The following C12orf42 variants were observed in gnomAD, a reference collection of about 807,000 sequenced individuals.
The protein encoded by C12orf42 is chromosome 12 open reading frame 42.
C12orf42 carries 25 observed loss-of-function variants against 21.6 expected under a neutral mutation model. The ratio of observed to expected loss-of-function variants is 1.16; its 90% CI spans 0.84 to 1.62. C12orf42 has a LOEUF of 1.62. Ranked by LOEUF, C12orf42 falls within the 40% of genes most tolerant of loss-of-function variation. The probability of loss-of-function intolerance (pLI) is 0.00; values close to 1 mark genes in which losing one functional copy is unlikely to be tolerated. For missense variants in C12orf42, 483 were observed against 459.3 expected (o/e 1.05, Z -0.47); for synonymous variants, 174 against 175.0 (o/e 0.99, Z 0.05).
intron 2 of C12orf42, among the ~76,000 whole-genome samples, chr12:103,412,624 C>T (rs1231286702): frequency 2.0e-5 from 3 of 152,196 alleles, no homozygotes; most frequent in African/African-American, 7.2e-5. Flanking sequence ...CTACAACTTA[C>T]TGCAAACCTA....
intron 2 of C12orf42, among the ~76,000 whole-genome samples, chr12:103,428,248 A>G (rs1427026974): frequency 6.6e-6 from 1 of 152,162 alleles, no homozygotes; most frequent in East Asian, 1.9e-4. Context: ...GAAAAAAGAG[A>G]AGAACCAAAC....
chr12:103,454,622 G>A (rs1952167318), intron 2 of C12orf42, among the ~76,000 whole-genome samples: 1 of 152,068 alleles, frequency 6.6e-6, no homozygotes, highest in Non-Finnish European at 1.5e-5. Context: ...GTTGCTGAAA[G>A]TTACTTCACA....
chr12:103,191,570 A>AAAAAAAAC, the C12orf42 span, among the ~76,000 whole-genome samples: 19 of 129,120 alleles, frequency 1.5e-4, no homozygotes, highest in African/African-American at 5.3e-4. Context: ...AAAAAAAAAA[A>AAAAAAAAC]AAAATACAAA....
chr12:103,166,528 G>A, the C12orf42 span, among the ~76,000 whole-genome samples: 1 of 152,054 alleles, frequency 6.6e-6, no homozygotes, highest in Admixed American at 6.5e-5. Context: ...CATAATTATA[G>A]TCACATAATA....
rs557588918 is a variant in C12orf42, at chr12:103,326,580, C to A, written c.260-20235G>T. On this transcript the variant is annotated intron_variant, in intron 4 of 5. Coordinates refer to ENST00000548883, the MANE Select transcript of C12orf42 (RefSeq NM_198521.5). ...TTGCACTCCACTCCAGCCACAGTGGCGTTCTTCCTGCTTCTTGACTGCTCC... is the reference window on the plus strand; with the variant it reads ...TTGCACTCCACTCCAGCCACAGTGGAGTTCTTCCTGCTTCTTGACTGCTCC... 3.9e-4 allele frequency among the ~76,000 whole-genome samples: 59 copies of A among 152,294 alleles called. 1 individual carries two copies. The South Asian group carries it at 0.012, about 31-fold the overall frequency.
the C12orf42 span, among the ~76,000 whole-genome samples, chr12:103,213,878 A>G: frequency 2.6e-5 from 4 of 152,210 alleles, no homozygotes; most frequent in East Asian, 3.8e-4. Context: ...GGGGTTTTCA[A>G]TAGGACAGAA....
At chr12:103,152,056 G>C in the C12orf42 span, 3 of 152,190 alleles carry the variant, frequency 2.0e-5, no homozygotes, top group Admixed American at 2.0e-4. Flanking sequence ...GAAAGTGGCT[G>C]CTGAAAGTTT....
chr12:103,371,304 C>T (rs2045211094), intron 3 of C12orf42, among the ~76,000 whole-genome samples: 1 of 152,086 alleles, frequency 6.6e-6, no homozygotes, highest in South Asian at 2.1e-4. Flanking sequence ...GGAACTCTCT[C>T]TTTTCCATTA....
At chr12:103,242,760 T>A (rs1403581146) in intron 10 of C12orf42, among the ~76,000 whole-genome samples, 1 of 152,140 alleles carries the variant, frequency 6.6e-6, no homozygotes, top group Admixed American at 6.6e-5. Flanking sequence ...AATAATTACT[T>A]TGAAAAAAGT....
intron 4 of C12orf42, among the ~76,000 whole-genome samples, chr12:103,320,323 T>A (rs1724452661): frequency 6.6e-6 from 1 of 152,196 alleles, no homozygotes; most frequent in Admixed American, 6.5e-5. Flanking sequence ...CCAAATGGTA[T>A]CTCCTTCTAA....
At chr12:103,154,646 A>C in the C12orf42 span, among the ~76,000 whole-genome samples, 1 of 152,186 alleles carries the variant, frequency 6.6e-6, no homozygotes, top group Non-Finnish European at 1.5e-5. Context: ...TGGATATAAA[A>C]AGGTGGATTC....
chr12:103,050,333 T>C, the C12orf42 span, among the ~76,000 whole-genome samples: 1 of 152,130 alleles, frequency 6.6e-6, no homozygotes, highest in Non-Finnish European at 1.5e-5. Flanking sequence ...CCTGTATTAC[T>C]GCATTTACCA....
intron 10 of C12orf42, among the ~76,000 whole-genome samples, chr12:103,256,300 A>G (rs1476982079): frequency 6.6e-6 from 1 of 150,902 alleles, no homozygotes; most frequent in Non-Finnish European, 1.5e-5. Flanking sequence ...ATACTTTCCA[A>G]TCTTTTTGAA....
chr12:103,124,832 T>C, the C12orf42 span, among the ~76,000 whole-genome samples: 1 of 152,262 alleles, frequency 6.6e-6, no homozygotes, highest in South Asian at 2.1e-4. Flanking sequence ...ACAATCAAGA[T>C]ACAAACACCG....
the C12orf42 span, among the ~76,000 whole-genome samples, chr12:103,512,840 A>G: frequency 1.3e-5 from 2 of 152,044 alleles, no homozygotes; most frequent in Non-Finnish European, 2.9e-5. Flanking sequence ...CGTCTCTACT[A>G]AAAATACAAA....
the C12orf42 span, among the ~76,000 whole-genome samples, chr12:103,544,948 C>T: frequency 1.3e-5 from 2 of 152,146 alleles, no homozygotes; most frequent in Non-Finnish European, 2.9e-5. Context: ...TATCTCAGGT[C>T]TCTCCTTACA....
At chr12:103,234,322 T>G (rs572003266), downstream of C12orf42, among the ~76,000 whole-genome samples, 1 of 152,322 alleles carries the variant, frequency 6.6e-6, no homozygotes, top group East Asian at 1.9e-4. Context: ...GTGCATCAAT[T>G]TTATTCTTCT....
the C12orf42 span, among the ~76,000 whole-genome samples, chr12:103,219,572 CAAAT>C: frequency 8.2e-4 from 125 of 152,168 alleles, 1 homozygote; most frequent in African/African-American, 3.0e-3. Context: ...AAGAAAAAAA[CAAAT>C]AAGCCCATCA....
chr12:103,401,263 G>C (rs967759131), intron 3 of C12orf42, among the ~76,000 whole-genome samples: 9 of 152,122 alleles, frequency 5.9e-5, no homozygotes, highest in African/African-American at 2.2e-4. Flanking sequence ...ATGATGGTAA[G>C]ATAAAATTAT....
Sources: gnomAD v4.1 joint callset for allele counts (sites outside exome capture counted in the v4.1 genomes callset) on GRCh38, gnomAD v4.1.1 for gene constraint, MANE v1.5 for transcripts, NCBI Gene and HGNC (gene_info 2026-07-23, HGNC 2026-07-21) for gene names.